Variants in ABI2 observed in about 807,000 individuals in gnomAD.
ABI2 encodes abl interactor 2, also known as abelson interactor 2.
Under a neutral mutation model 59.2 loss-of-function variants are expected in ABI2, and 25 were observed. The observed-to-expected ratio is 0.42, with a 90% confidence interval of 0.31 to 0.59. The LOEUF (loss-of-function observed/expected upper bound fraction) is 0.59. Ranked by LOEUF, ABI2 falls within the 20% of genes least tolerant of loss-of-function variation. The probability of loss-of-function intolerance (pLI) is 0.14; values close to 1 mark genes in which losing one functional copy is unlikely to be tolerated. For missense variants in ABI2, 545 were observed against 681.8 expected, an observed-to-expected ratio of 0.80 and a Z score of 2.23; for synonymous variants, 213 against 235.5, an observed-to-expected ratio of 0.90 and a Z score of 0.87.
chr2:203,397,066 C>A lies in ABI2; in HGVS notation c.1033+99C>A, dbSNP rs983808018. ...GTTTGTTTTTGGTTTTGTTGTACTT[C>A]GTATTAAAAAAAAATAAGAATAATG... On this transcript the variant is annotated intron_variant, in intron 8 of 11. Coordinates refer to ENST00000261018, the MANE Select transcript of ABI2 (RefSeq NM_001375670.1). 6.4e-6 allele frequency: 8 copies of A among 1,259,592 alleles called. No homozygotes were observed. In the Admixed American group the frequency reaches 2.5e-4, roughly 39 times the overall value. The allele number at this position is 1,259,592 out of a possible 1,614,324, so 78.0% of individuals were successfully genotyped here. A position where few individuals can be genotyped will look rare whatever the true frequency, so the allele number is the denominator to read the frequency against.
Position 203,428,208 on chromosome 2 carries a change from A to G in ABI2, c.*856A>G, listed in dbSNP as rs1688569944. ...AGACTTGAACTGTGGAAATGCTCTTAGCAGGCATCCCGAACCCCTGCTTCG... is the reference window on the plus strand; with the variant it reads ...AGACTTGAACTGTGGAAATGCTCTTGGCAGGCATCCCGAACCCCTGCTTCG... On this transcript the variant is annotated 3_prime_UTR_variant, in exon 12 of 12. Transcript: ENST00000261018. The G allele has an allele frequency of 6.6e-6, 1 of 152,650 alleles. No homozygotes were observed. 9.5% of individuals were successfully genotyped at this position (152,650 alleles called of 1,614,324 possible).
chr2:203,403,607 T>G (rs1173803055), intron 9 of ABI2, among the ~76,000 whole-genome samples: 2 of 148,522 alleles, frequency 1.3e-5, no homozygotes, highest in Non-Finnish European at 3.0e-5. Context: ...CATTTGATTC[T>G]TAGAATCACG....
chr2:203,350,014 T>G lies in ABI2; in HGVS notation c.118-16863T>G, dbSNP rs112034602. ...GTTGCACTATTTTCCATTTCCACCA[T>G]CAGTGTGTGAGCGTTCCAGTTTCTC... On this transcript the variant is annotated intron_variant, in intron 1 of 11. Coordinates refer to ENST00000261018, the MANE Select transcript of ABI2 (RefSeq NM_001375670.1). Among the ~76,000 whole-genome samples, 100 of 152,286 alleles carry G rather than the reference T, an allele frequency of 6.6e-4. 1 individual carries two copies. Among genetic ancestry groups the G allele is most frequent in the Middle Eastern group, 3.4e-3 (1 of 294 alleles).
chr2:203,420,479 T>C (rs1349265073), intron 11 of ABI2, among the ~76,000 whole-genome samples: 2 of 151,522 alleles, frequency 1.3e-5, no homozygotes, highest in South Asian at 2.1e-4. Flanking sequence ...CTGCAAGCTC[T>C]GCCTCCCAGG....
intron 4 of ABI2, among the ~76,000 whole-genome samples, chr2:203,383,878 C>T (rs1054267306): frequency 6.7e-6 from 1 of 148,640 alleles, no homozygotes; most frequent in African/African-American, 2.5e-5. Context: ...TTTTCTCTTT[C>T]TCAGCACTTT....
chr2:203,397,457 T>G (rs2097050939), intron 8 of ABI2, among the ~76,000 whole-genome samples: 1 of 152,214 alleles, frequency 6.6e-6, no homozygotes, highest in East Asian at 1.9e-4. Flanking sequence ...TTAAAGAATT[T>G]CAGGTTTATT....
chr2:203,400,351 A>C (rs2097173515), intron 8 of ABI2, among the ~76,000 whole-genome samples: 1 of 152,046 alleles, frequency 6.6e-6, no homozygotes, highest in African/African-American at 2.4e-5. Flanking sequence ...CACCTCCCAT[A>C]GTACTGTGAT....
At chr2:203,404,871 T>G (rs1057284814) in intron 9 of ABI2, among the ~76,000 whole-genome samples, 1 of 152,194 alleles carries the variant, frequency 6.6e-6, no homozygotes, top group Non-Finnish European at 1.5e-5. Flanking sequence ...TACAGGGATA[T>G]TTCATGCTTT....
At chr2:203,338,908 C>CTGTGTGTGTGTGTGTGTGTGTG (rs148766477) in intron 1 of ABI2, among the ~76,000 whole-genome samples, 9 of 64,030 alleles carry the variant, frequency 1.4e-4, no homozygotes, top group African/African-American at 6.0e-4. Context: ...GGGTTTATAT[C>CTGTGTGTGTGTGTGTGTGTGTG]TGTGTGTGTG....
At chr2:203,409,804 G>A (rs1445705620) in intron 9 of ABI2, among the ~76,000 whole-genome samples, 1 of 152,020 alleles carries the variant, frequency 6.6e-6, no homozygotes, top group East Asian at 1.9e-4. Flanking sequence ...TCACATTTAT[G>A]GAATAGGCCT....
At chr2:203,401,203 T>C (rs2153440369) in intron 8 of ABI2, among the ~76,000 whole-genome samples, 1 of 152,238 alleles carries the variant, frequency 6.6e-6, no homozygotes, top group East Asian at 1.9e-4. Flanking sequence ...GTGTTTTTTT[T>C]TTCCTTTTCA....
intron 1 of ABI2, among the ~76,000 whole-genome samples, chr2:203,354,909 C>T (rs2091089078): frequency 6.6e-6 from 1 of 152,162 alleles, no homozygotes; most frequent in Non-Finnish European, 1.5e-5. Flanking sequence ...GTAGTCAGTA[C>T]CTCTGCTCAC....
chr2:203,409,127 C>T (rs1463527805), intron 9 of ABI2, among the ~76,000 whole-genome samples: 4 of 152,044 alleles, frequency 2.6e-5, no homozygotes, highest in South Asian at 2.1e-4. Context: ...CGTGAGCCAC[C>T]GCGCCCGGCC....
At chr2:203,395,599 C>G in intron 6 of ABI2, 57 bp from the exon 7 acceptor site, 2 of 1,535,704 alleles carry the variant, frequency 1.3e-6, no homozygotes, top group Non-Finnish European at 1.8e-6. Context: ...TCGGGAAGTG[C>G]TGATGATCTC....
intron 2 of ABI2, among the ~76,000 whole-genome samples, chr2:203,379,842 G>A (rs1450924749): frequency 6.6e-6 from 1 of 152,146 alleles, no homozygotes; most frequent in Admixed American, 6.5e-5. Flanking sequence ...ATAAGCAAGT[G>A]AGCGGCATGG....
intron 1 of ABI2, among the ~76,000 whole-genome samples, chr2:203,361,492 T>C (rs2093500667): frequency 6.6e-6 from 1 of 152,092 alleles, no homozygotes; most frequent in African/African-American, 2.4e-5. Flanking sequence ...TTCTCTATAA[T>C]GGTGGTTTGC....
chr2:203,359,781 C>T (rs1443234901), intron 1 of ABI2, among the ~76,000 whole-genome samples: 1 of 152,088 alleles, frequency 6.6e-6, no homozygotes, highest in East Asian at 1.9e-4. Flanking sequence ...TGCCTAATCA[C>T]CTCCTAAAGG....
intron 1 of ABI2, chr2:203,329,057 G>C (rs938871008): frequency 1.3e-5 from 2 of 156,790 alleles, no homozygotes; most frequent in African/African-American, 4.8e-5. Flanking sequence ...ATTTTTAAGG[G>C]GTTATCTTGC....
chr2:203,339,917 A>G (rs1380458746), intron 1 of ABI2, among the ~76,000 whole-genome samples: 1 of 152,214 alleles, frequency 6.6e-6, no homozygotes, highest in Non-Finnish European at 1.5e-5. Context: ...GAACGCGTGT[A>G]TATGAAAAGT....
Sources: allele counts gnomAD v4.1 joint callset (sites outside exome capture counted in the v4.1 genomes callset), GRCh38; gene constraint gnomAD v4.1.1; transcripts MANE v1.5; gene names NCBI Gene and HGNC (gene_info 2026-07-23, HGNC 2026-07-21).